Variants in TMPRSS11A observed in about 807,000 individuals in gnomAD.
TMPRSS11A encodes the protein transmembrane protease serine 11A.
Under a neutral mutation model 58.9 loss-of-function variants are expected in TMPRSS11A, and 53 were observed. The ratio of observed to expected loss-of-function variants is 0.90; its 90% CI spans 0.72 to 1.13. The LOEUF (loss-of-function observed/expected upper bound fraction) is 1.13, where lower values mean the gene tolerates loss of function less well. Ranked by LOEUF, TMPRSS11A falls within the 50% of genes most tolerant of loss-of-function variation. TMPRSS11A has a pLI of 0.00. For missense variants in TMPRSS11A, 493 were observed against 499.3 expected, an observed-to-expected ratio of 0.99 and a Z score of 0.12; for synonymous variants, 167 against 169.8, an observed-to-expected ratio of 0.98 and a Z score of 0.13.
At chr4:67,948,309 C>G (rs944647940) in intron 1 of TMPRSS11A, among the ~76,000 whole-genome samples, 3 of 151,988 alleles carry the variant, frequency 2.0e-5, no homozygotes, top group Non-Finnish European at 4.4e-5. Flanking sequence ...AAGGCGTCCA[C>G]CACCACGCCC....
intron 7 of TMPRSS11A, among the ~76,000 whole-genome samples, chr4:67,919,942 G>C (rs898679355): frequency 6.6e-6 from 1 of 152,156 alleles, no homozygotes; most frequent in Non-Finnish European, 1.5e-5. Flanking sequence ...TTTTATTGAA[G>C]TGATATGGGA....
intron 5 of TMPRSS11A, among the ~76,000 whole-genome samples, chr4:67,927,520 A>G (rs1281319787): frequency 6.6e-6 from 1 of 152,246 alleles, no homozygotes; most frequent in African/African-American, 2.4e-5. Context: ...GCTCGCTCAG[A>G]CAACCCTCAC....
At chr4:67,932,611 A>C (rs569150092) in intron 3 of TMPRSS11A, among the ~76,000 whole-genome samples, 1 of 152,162 alleles carries the variant, frequency 6.6e-6, no homozygotes, top group Non-Finnish European at 1.5e-5. Flanking sequence ...CAGATATAAA[A>C]TGTTGGGTAA....
At chr4:67,950,868 A>G (rs1721139109) in intron 1 of TMPRSS11A, among the ~76,000 whole-genome samples, 1 of 152,270 alleles carries the variant, frequency 6.6e-6, no homozygotes, top group Non-Finnish European at 1.5e-5. Context: ...GAAAGCTAAA[A>G]GTAATCCCTG....
chr4:67,936,169 T>C (rs1235587396), intron 3 of TMPRSS11A, among the ~76,000 whole-genome samples: 1 of 152,106 alleles, frequency 6.6e-6, no homozygotes, highest in Non-Finnish European at 1.5e-5. Context: ...TAAGACCTCC[T>C]ACCCACTGAT....
chr4:67,944,516 C>A lies in TMPRSS11A; in HGVS notation c.252+3G>T. ...ATGATAAAAAGAAGTTTACCTGACTCACCAAATTTTCGGTCGTCTCTCGTA... is the reference window on the plus strand; with the variant it reads ...ATGATAAAAAGAAGTTTACCTGACTAACCAAATTTTCGGTCGTCTCTCGTA... On this transcript the variant is annotated splice_donor_region_variant and intron_variant, in intron 3 of 9. Coordinates refer to ENST00000508048, the MANE Select transcript of TMPRSS11A (RefSeq NM_001114387.2). 1 of 1,607,196 alleles carries A rather than the reference C, an allele frequency of 6.2e-7. No homozygotes were observed. The highest frequency in any genetic ancestry group is 8.5e-7 in the Non-Finnish European group (1 of 1,177,444).
At chr4:67,962,693 A>G (rs1721466836) in intron 1 of TMPRSS11A, among the ~76,000 whole-genome samples, 1 of 152,224 alleles carries the variant, frequency 6.6e-6, no homozygotes, top group African/African-American at 2.4e-5. Flanking sequence ...GTTTAAAATC[A>G]CTATTTTAAC....
chr4:67,917,354 T>G (rs4860865), intron 8 of TMPRSS11A, among the ~76,000 whole-genome samples: 1 of 151,876 alleles, frequency 6.6e-6, no homozygotes, highest in Non-Finnish European at 1.5e-5. Context: ...CTTCGAGATA[T>G]TCTCTTTATT....
In TMPRSS11A at chr4:67,910,082, A is replaced by T. The variant is rs1719926675; in HGVS notation, c.*1260T>A. 6.6e-6 allele frequency: 1 copy of T among 152,034 alleles called. No individual in the cohort carries two copies. Among genetic ancestry groups the T allele is most frequent in the Non-Finnish European group, 1.5e-5 (1 of 67,922 alleles). The allele number at this position is 152,034 out of a possible 1,614,324, so 9.4% of individuals were successfully genotyped here. A position where few individuals can be genotyped will look rare whatever the true frequency, so the allele number is the denominator to read the frequency against. On this transcript the variant is annotated 3_prime_UTR_variant, in exon 10 of 10. Transcript: ENST00000508048. Reference sequence around the variant, plus strand: ...TTCACAGGCATTGCCAAGCAGAATAATTGCTTCCATAAAGCCTTAATTTAA... The same window carrying T: ...TTCACAGGCATTGCCAAGCAGAATATTTGCTTCCATAAAGCCTTAATTTAA...
At position 67,911,300 on chromosome 4, in the gene TMPRSS11A, A is replaced by G. The variant is rs774683038; in HGVS notation, c.*42T>C. On this transcript the variant is annotated 3_prime_UTR_variant, in exon 10 of 10. Coordinates refer to ENST00000508048, the MANE Select transcript of TMPRSS11A (RefSeq NM_001114387.2). The stretch of plus-strand genomic sequence containing the variant: ...TAAATAGTTGAATTCTCATGCATAT[A>G]TGACCTGCATACAGCTTTCTTTGTT... 24 of 1,592,352 alleles carry G rather than the reference A, an allele frequency of 1.5e-5. 1 individual carries two copies. In the South Asian group the frequency reaches 1.9e-4, roughly 13 times the overall value.
chr4:67,915,896 A>G (rs899180866), intron 8 of TMPRSS11A, among the ~76,000 whole-genome samples: 4 of 152,232 alleles, frequency 2.6e-5, no homozygotes, highest in Non-Finnish European at 1.5e-5. Context: ...TGCTGTTTTA[A>G]CTGTTTGTGA....
intron 5 of TMPRSS11A, among the ~76,000 whole-genome samples, chr4:67,927,676 G>C (rs1376884987): frequency 2.0e-5 from 3 of 152,188 alleles, no homozygotes; most frequent in Non-Finnish European, 4.4e-5. Context: ...GGCCACAGAG[G>C]TTTCTGGCCA....
intron 8 of TMPRSS11A, among the ~76,000 whole-genome samples, chr4:67,916,469 TTA>T (rs1491384229): frequency 2.1e-5 from 1 of 47,680 alleles, no homozygotes; most frequent in Non-Finnish European, 3.9e-5. Context: ...TTTATATATA[TTA>T]TACACACACA....
intron 8 of TMPRSS11A, among the ~76,000 whole-genome samples, chr4:67,917,171 G>C (rs1031127030): frequency 6.0e-5 from 9 of 150,348 alleles, no homozygotes; most frequent in Non-Finnish European, 1.2e-4. Flanking sequence ...GTTTGTTTTA[G>C]GTTTATTTTT....
At chr4:67,940,446 A>T (rs1441885321) in intron 3 of TMPRSS11A, among the ~76,000 whole-genome samples, 1 of 151,876 alleles carries the variant, frequency 6.6e-6, no homozygotes, top group Non-Finnish European at 1.5e-5. Context: ...CAGGGTTTCA[A>T]TTTCTTTCTG....
intron 1 of TMPRSS11A, among the ~76,000 whole-genome samples, chr4:67,948,438 A>G (rs1478232955): frequency 2.0e-5 from 3 of 152,152 alleles, no homozygotes; most frequent in Non-Finnish European, 4.4e-5. Context: ...GATTACAGGC[A>G]TGAGCCACTG....
intron 3 of TMPRSS11A, among the ~76,000 whole-genome samples, chr4:67,934,977 A>G (rs1022992997): frequency 4.6e-5 from 7 of 152,200 alleles, no homozygotes; most frequent in South Asian, 4.1e-4. Flanking sequence ...ACGTAACACC[A>G]GGTGAGCTCC....
chr4:67,935,083 A>G (rs1720719515), intron 3 of TMPRSS11A, among the ~76,000 whole-genome samples: 1 of 152,184 alleles, frequency 6.6e-6, no homozygotes, highest in African/African-American at 2.4e-5. Context: ...AAAGGATATT[A>G]TATAAGAGGG....
At chr4:67,942,189 T>G (rs112552896) in intron 3 of TMPRSS11A, among the ~76,000 whole-genome samples, 1 of 152,170 alleles carries the variant, frequency 6.6e-6, no homozygotes, top group Non-Finnish European at 1.5e-5. Flanking sequence ...TTTATACATA[T>G]TAGGGTGGCA....
Sources: allele counts gnomAD v4.1 joint callset (sites outside exome capture counted in the v4.1 genomes callset), GRCh38; gene constraint gnomAD v4.1.1; transcripts MANE v1.5; gene names NCBI Gene and HGNC (gene_info 2026-07-23, HGNC 2026-07-21).